Variants in WWOX observed in about 807,000 individuals in gnomAD.
The protein encoded by WWOX is WW domain containing oxidoreductase.
Under a neutral mutation model 46.2 loss-of-function variants are expected in WWOX, and 69 were observed. The observed-to-expected ratio is 1.49, with a 90% CI of 1.23 to 1.82. WWOX has a LOEUF of 1.82. Ranked by LOEUF, WWOX falls within the 40% of genes most tolerant of loss-of-function variation. The pLI is 0.00. For synonymous variants in WWOX, 359 were observed against 202.6 expected, an observed-to-expected ratio of 1.77 and a Z score of -6.56; for missense variants, 919 against 542.6, an observed-to-expected ratio of 1.69 and a Z score of -6.89.
chr16:79,007,680 G>A (rs1461904985), intron 8 of WWOX, among the ~76,000 whole-genome samples: 1 of 152,222 alleles, frequency 6.6e-6, no homozygotes, highest in Non-Finnish European at 1.5e-5. Context: ...GTTATCAGAT[G>A]AAGAAGTAGA....
chr16:78,579,840 T>C (rs2045003501), intron 8 of WWOX, among the ~76,000 whole-genome samples: 1 of 152,140 alleles, frequency 6.6e-6, no homozygotes, highest in African/African-American at 2.4e-5. Context: ...GGGAAATGTC[T>C]CTTCTTCTGA....
At chr16:78,108,089 C>T (rs944255809) in intron 1 of WWOX, among the ~76,000 whole-genome samples, 5 of 151,688 alleles carry the variant, frequency 3.3e-5, no homozygotes, top group African/African-American at 1.2e-4. Context: ...CCACTGTCCC[C>T]AGCTAATTTT....
rs1012657823 is a variant in WWOX at position 78,578,994 on chromosome 16, A to T, written c.1056+146242A>T. On this transcript the variant is annotated intron_variant, in intron 8 of 8. Coordinates refer to ENST00000566780, the MANE Select transcript of WWOX (RefSeq NM_016373.4). ...CCACCACCACAAAAGAGGCAGTAAC[A>T]TTAGTATTACATTATACATCTTAGG... 3.0e-4 allele frequency among the ~76,000 whole-genome samples: 46 copies of T among 152,196 alleles called. 1 individual carries two copies. The highest frequency in any genetic ancestry group is 1.1e-3 in the African/African-American group (45 of 41,454).
chr16:79,201,144 G>C (rs1188171636), intron 8 of WWOX, among the ~76,000 whole-genome samples: 1 of 152,016 alleles, frequency 6.6e-6, no homozygotes, highest in African/African-American at 2.4e-5. Context: ...CCAATGTAAG[G>C]ACTTCTGGCT....
chr16:79,012,557 A>AT (rs1435091210), intron 8 of WWOX, among the ~76,000 whole-genome samples: 26 of 152,186 alleles, frequency 1.7e-4, no homozygotes, highest in African/African-American at 4.6e-4. Flanking sequence ...TTAATTTGAT[A>AT]TCATTGTGAT....
At chr16:78,616,568 G>C (rs950368849) in intron 8 of WWOX, among the ~76,000 whole-genome samples, 2 of 151,788 alleles carry the variant, frequency 1.3e-5, no homozygotes, top group African/African-American at 4.8e-5. Context: ...TCAGGAGGTC[G>C]AGACCAGCCT....
At chr16:79,010,558 CAG>C (rs1234304012) in intron 8 of WWOX, among the ~76,000 whole-genome samples, 3 of 152,142 alleles carry the variant, frequency 2.0e-5, no homozygotes, top group Non-Finnish European at 4.4e-5. Context: ...GGCAAAGAAA[CAG>C]ACAATTCATG....
intron 5 of WWOX, among the ~76,000 whole-genome samples, chr16:78,373,386 C>T (rs2081741441): frequency 6.6e-6 from 1 of 152,130 alleles, no homozygotes; most frequent in Admixed American, 6.5e-5. Flanking sequence ...TATAACTTAA[C>T]GTTTATCTCA....
chr16:78,992,485 A>G (rs146844121), intron 8 of WWOX, among the ~76,000 whole-genome samples: 3,051 of 152,274 alleles, frequency 0.02, 56 homozygotes, highest in Non-Finnish European at 0.031. Flanking sequence ...AAAACAAAAC[A>G]AAAACAATTT....
In WWOX at chr16:78,651,132, G is replaced by T. The variant is rs141659512; in HGVS notation, c.1056+218380G>T. ...AGGCCCAGGTACCTGGCTTTCCTCA[G>T]TTGGGATCAGAAGGCCACAAAGTTT... On this transcript the variant is annotated intron_variant, in intron 8 of 8. Transcript: ENST00000566780. Among the ~76,000 whole-genome samples the T allele has an allele frequency of 3.9e-3, 592 of 152,318 alleles. 8 individuals carry two copies. The highest frequency in any genetic ancestry group is 6.2e-3 in the Non-Finnish European group (425 of 68,028).
At chr16:78,616,229 T>TA (rs1476392832) in intron 8 of WWOX, among the ~76,000 whole-genome samples, 1 of 151,934 alleles carries the variant, frequency 6.6e-6, no homozygotes, top group Non-Finnish European at 1.5e-5. Context: ...GTTTTTTTTT[T>TA]AATTATATAA....
intron 8 of WWOX, among the ~76,000 whole-genome samples, chr16:78,560,253 C>G (rs1020878731): frequency 3.9e-5 from 6 of 152,206 alleles, no homozygotes; most frequent in African/African-American, 1.4e-4. Context: ...TGAAATCTTT[C>G]TTTCTTGCCT....
At chr16:78,556,421 G>A (rs1031180553) in intron 8 of WWOX, among the ~76,000 whole-genome samples, 5 of 152,164 alleles carry the variant, frequency 3.3e-5, no homozygotes, top group Non-Finnish European at 5.9e-5. Context: ...TGGTCTCAGA[G>A]CACGGGGAAC....
At chr16:78,610,352 A>C (rs551350898) in intron 8 of WWOX, among the ~76,000 whole-genome samples, 1 of 152,204 alleles carries the variant, frequency 6.6e-6, no homozygotes, top group Non-Finnish European at 1.5e-5. Flanking sequence ...TTTCATTACT[A>C]TTCATGTGTA....
intron 8 of WWOX, among the ~76,000 whole-genome samples, chr16:78,602,783 G>A (rs745511825): frequency 1.1e-4 from 17 of 152,118 alleles, no homozygotes; most frequent in Admixed American, 2.6e-4. Context: ...ATCTTGTAGC[G>A]TTCCATTTAA....
chr16:78,829,217 A>C (rs1248751597), intron 8 of WWOX, among the ~76,000 whole-genome samples: 1 of 152,186 alleles, frequency 6.6e-6, no homozygotes, highest in African/African-American at 2.4e-5. Context: ...GGCTCACACA[A>C]TTATGGAAGC....
intron 8 of WWOX, among the ~76,000 whole-genome samples, chr16:78,469,056 C>G (rs765897645): frequency 1.3e-5 from 2 of 152,134 alleles, no homozygotes; most frequent in African/African-American, 2.4e-5. Flanking sequence ...TGTTGTAACA[C>G]CTGTTCAGTT....
At chr16:78,461,771 C>G (rs1039141091) in intron 8 of WWOX, among the ~76,000 whole-genome samples, 22 of 152,198 alleles carry the variant, frequency 1.4e-4, no homozygotes, top group Middle Eastern at 3.2e-3. Context: ...CTTTTCCCGT[C>G]ATGCTTTAGA....
At chr16:78,454,642 A>G (rs566600923) in intron 8 of WWOX, among the ~76,000 whole-genome samples, 60 of 152,064 alleles carry the variant, frequency 3.9e-4, no homozygotes, top group South Asian at 3.7e-3. Context: ...AGTAGCTGGG[A>G]TTACAGGCAT....
Sources: gnomAD v4.1 joint callset for allele counts (sites outside exome capture counted in the v4.1 genomes callset) on GRCh38, gnomAD v4.1.1 for gene constraint, MANE v1.5 for transcripts, NCBI Gene and HGNC (gene_info 2026-07-23, HGNC 2026-07-21) for gene names.